PLEKHM3: variants seen among roughly 807,000 people sequenced by gnomAD.
PLEKHM3 encodes the protein pleckstrin homology domain containing M3.
In PLEKHM3, 45 loss-of-function variants were observed where a neutral mutation model predicts 81.8. The ratio of observed to expected loss-of-function variants is 0.55; its 90% CI spans 0.43 to 0.71. The LOEUF (loss-of-function observed/expected upper bound fraction) is 0.71. PLEKHM3 is among the 30% of genes least tolerant of loss of function. The pLI is 0.00. For synonymous variants in PLEKHM3, 352 were observed against 356.4 expected (o/e 0.99, Z 0.14); for missense variants, 788 against 924.3 (o/e 0.85, Z 1.91).
chr2:207,889,776 AC>A (rs1276625807), intron 6 of PLEKHM3, among the ~76,000 whole-genome samples: 1 of 151,392 alleles, frequency 6.6e-6, no homozygotes, highest in African/African-American at 2.4e-5. Context: ...TCCTCCTGCC[AC>A]CCCCAGCCCT....
At chr2:207,942,873 C>A (rs973937943) in intron 4 of PLEKHM3, among the ~76,000 whole-genome samples, 1 of 152,114 alleles carries the variant, frequency 6.6e-6, no homozygotes, top group Admixed American at 6.5e-5. Flanking sequence ...GAACTCCAAC[C>A]TGGCAACAGA....
chr2:208,012,158 C>T (rs911829847), intron 1 of PLEKHM3, among the ~76,000 whole-genome samples: 2 of 152,182 alleles, frequency 1.3e-5, no homozygotes, highest in Non-Finnish European at 2.9e-5. Context: ...TCTCCTGCCT[C>T]AGCCTCCCGA....
intron 5 of PLEKHM3, among the ~76,000 whole-genome samples, chr2:207,929,505 T>C (rs1360069323): frequency 6.6e-6 from 1 of 152,210 alleles, no homozygotes; most frequent in African/African-American, 2.4e-5. Flanking sequence ...CTGAAAATAA[T>C]AGAACATACT....
intron 7 of PLEKHM3, among the ~76,000 whole-genome samples, chr2:207,857,274 C>T (rs527406515): frequency 6.8e-4 from 104 of 152,342 alleles, no homozygotes; most frequent in Non-Finnish European, 1.1e-3. Flanking sequence ...CTGACCCACC[C>T]TTATCCTTGC....
At chr2:207,857,871 A>T in intron 7 of PLEKHM3, among the ~76,000 whole-genome samples, 1 of 149,060 alleles carries the variant, frequency 6.7e-6, no homozygotes, top group African/African-American at 2.5e-5. Context: ...CTTGCTTTGG[A>T]TTTAGTTTGC....
intron 6 of PLEKHM3, among the ~76,000 whole-genome samples, chr2:207,878,014 C>T (rs1451318456): frequency 6.6e-6 from 1 of 152,156 alleles, no homozygotes; most frequent in East Asian, 1.9e-4. Flanking sequence ...TGTCTTACCG[C>T]AACCATCTCT....
chr2:207,891,947 G>A (rs535374630), intron 6 of PLEKHM3, among the ~76,000 whole-genome samples: 1 of 152,260 alleles, frequency 6.6e-6, no homozygotes, highest in Admixed American at 6.5e-5. Context: ...TTTATTTGGG[G>A]AAGGCATAAC....
At chr2:207,839,449 A>G (rs555644470) in intron 7 of PLEKHM3, among the ~76,000 whole-genome samples, 11 of 152,338 alleles carry the variant, frequency 7.2e-5, no homozygotes, top group African/African-American at 2.6e-4. Context: ...AGGCATTTAA[A>G]TAAAAGACCT....
chr2:207,947,274 A>T (rs1218426784), intron 3 of PLEKHM3, among the ~76,000 whole-genome samples: 4 of 152,092 alleles, frequency 2.6e-5, no homozygotes. Context: ...CTTACACAGC[A>T]CCCTCTTCTC....
rs551414644 is a variant in PLEKHM3 at position 207,907,929 on chromosome 2, G to A, written c.1950+585C>T. On this transcript the variant is annotated intron_variant, in intron 6 of 7. Transcript: ENST00000427836. ...CTATTCTAAACATTTCATGTAAATA[G>A]AAGCATACAGTATGTATTCTTTTCT... Among the ~76,000 whole-genome samples, 444 of 152,304 alleles carry A rather than the reference G, an allele frequency of 2.9e-3. 1 individual carries two copies. The highest frequency in any genetic ancestry group is 6.8e-3 in the Middle Eastern group (2 of 294).
chr2:207,824,477 A>G lies in PLEKHM3; in HGVS notation c.*3842T>C, dbSNP rs1403197307. On this transcript the variant is annotated 3_prime_UTR_variant, in exon 8 of 8. Coordinates refer to ENST00000427836, the MANE Select transcript of PLEKHM3 (RefSeq NM_001080475.3). ...ATACACGAGCAACAGCATTGGCTTGACTCTAAAGGAGGACCAGAATGTGTC... is the reference window on the plus strand; with the variant it reads ...ATACACGAGCAACAGCATTGGCTTGGCTCTAAAGGAGGACCAGAATGTGTC... 6.6e-6 allele frequency: 1 copy of G among 152,190 alleles called. No homozygotes were observed. The highest frequency in any genetic ancestry group is 1.9e-4 in the East Asian group (1 of 5,202). The allele number at this position is 152,190 out of a possible 1,614,324, so 9.4% of individuals were successfully genotyped here. A position where few individuals can be genotyped will look rare whatever the true frequency, so the allele number is the denominator to read the frequency against.
chr2:207,906,093 G>C (rs931427337), intron 6 of PLEKHM3, among the ~76,000 whole-genome samples: 1 of 152,148 alleles, frequency 6.6e-6, no homozygotes, highest in Non-Finnish European at 1.5e-5. Flanking sequence ...CGTTTGAAAG[G>C]CTCCCTCAAA....
rs567940200 is a variant in PLEKHM3 at position 208,015,435 on chromosome 2, A to T, written c.-319+9954T>A. Among the ~76,000 whole-genome samples, 396 of 151,854 alleles carry T rather than the reference A, an allele frequency of 2.6e-3. 2 individuals are homozygous for T. The highest frequency in any genetic ancestry group is 9.0e-3 in the African/African-American group (372 of 41,430). On this transcript the variant is annotated intron_variant, in intron 1 of 7. Transcript: ENST00000427836. ...TGACCCAGAGAGTTAATTGCTAAAT[A>T]TCATATTTACACCCAGGGAAGTAGT...
chr2:208,024,142 CAAAATAAAATAAAAT>C (rs57377948), intron 1 of PLEKHM3, among the ~76,000 whole-genome samples: 18 of 137,794 alleles, frequency 1.3e-4, no homozygotes, highest in East Asian at 2.1e-4. Context: ...GACCCTGTCT[CAAAATAAAATAAAAT>C]AAAATAAAAT....
intron 6 of PLEKHM3, among the ~76,000 whole-genome samples, chr2:207,899,146 A>T (rs1004295903): frequency 6.6e-6 from 1 of 152,236 alleles, no homozygotes; most frequent in African/African-American, 2.4e-5. Flanking sequence ...ACATGTGGCA[A>T]TGCTGTCTTC....
rs544007546 is a variant in PLEKHM3, at chr2:207,854,404, T to C, written c.2108+6701A>G. ...ATTATCCTGAAGCAAATCCCAGACA[T>C]TGTATTACTTAATCCATAAAGATTT... On this transcript the variant is annotated intron_variant, in intron 7 of 7. Transcript: ENST00000427836. 7.4e-4 allele frequency among the ~76,000 whole-genome samples: 113 copies of C among 152,312 alleles called. 1 individual carries two copies. Among genetic ancestry groups the C allele is most frequent in the Non-Finnish European group, 1.2e-3 (83 of 68,024 alleles).
At chr2:207,930,304 CCA>C (rs1689546516) in intron 5 of PLEKHM3, among the ~76,000 whole-genome samples, 1 of 151,916 alleles carries the variant, frequency 6.6e-6, no homozygotes, top group Non-Finnish European at 1.5e-5. Context: ...GATTTGAGGC[CCA>C]CACAGTGGCT....
At chr2:207,871,975 C>T (rs558466040) in intron 6 of PLEKHM3, among the ~76,000 whole-genome samples, 2 of 152,280 alleles carry the variant, frequency 1.3e-5, no homozygotes, top group South Asian at 4.1e-4. Flanking sequence ...ATTACTGACT[C>T]ATTGAGCAGT....
At chr2:207,999,340 C>T (rs892472726) in intron 2 of PLEKHM3, among the ~76,000 whole-genome samples, 1 of 151,894 alleles carries the variant, frequency 6.6e-6, no homozygotes, top group Non-Finnish European at 1.5e-5. Flanking sequence ...CTTAGCCAGG[C>T]ATGGTGGCTC....
Sources: allele counts gnomAD v4.1 joint callset (sites outside exome capture counted in the v4.1 genomes callset), GRCh38; gene constraint gnomAD v4.1.1; transcripts MANE v1.5; gene names NCBI Gene and HGNC (gene_info 2026-07-23, HGNC 2026-07-21).